Variants in CRISP2 observed in about 807,000 individuals in gnomAD.
The protein encoded by CRISP2 is cysteine rich secretory protein 2, also known as cysteine-rich secretory protein 2.
A neutral mutation model predicts 31.7 loss-of-function variants in CRISP2; 29 were observed. That is an observed-to-expected ratio of 0.92 (90% confidence interval 0.68 to 1.25). The LOEUF (loss-of-function observed/expected upper bound fraction) is 1.25. Among genes scored for constraint, CRISP2 ranks in the 50% most tolerant of loss-of-function variants. The pLI, the probability that CRISP2 is intolerant of heterozygous loss-of-function variation, is 0.00. For missense variants in CRISP2, 318 were observed against 286.5 expected, an observed-to-expected ratio of 1.11 and a Z score of -0.79; for synonymous variants, 111 against 101.4, an observed-to-expected ratio of 1.09 and a Z score of -0.57.
chr6:49,687,059 G>T, the CRISP2 span, among the ~76,000 whole-genome samples: 1 of 152,028 alleles, frequency 6.6e-6, no homozygotes, highest in Non-Finnish European at 1.5e-5. Flanking sequence ...TTGTGGGATG[G>T]GGGGAGAGGG....
Position 49,699,846 on chromosome 6 carries a change from T to C in CRISP2, c.229A>G (p.Lys77Glu). The change falls in exon 6 of 10, where the codon AAG (lysine) becomes GAG (glutamate). Residue 77 changes from lysine (K) to glutamate (E), a missense_variant. By Grantham distance (56) the Lys-to-Glu change is moderately conservative. Transcript: ENST00000339139. ...GGATCACTATGTTGTAAAGTGCACT[T>C]GTTTGCCCACCTTTGGGCATTCGTT... ...VTTNAQRWANKCTLQHSDPED... is the reference protein window; with the variant it reads ...VTTNAQRWANECTLQHSDPED... 6.2e-7 allele frequency: 1 copy of C among 1,612,762 alleles called. No homozygotes were observed. Among genetic ancestry groups the C allele is most frequent in the Non-Finnish European group, 8.5e-7 (1 of 1,179,196 alleles).
chr6:49,678,318 G>T, the CRISP2 span, among the ~76,000 whole-genome samples: 1 of 152,062 alleles, frequency 6.6e-6, no homozygotes, highest in Non-Finnish European at 1.5e-5. Flanking sequence ...GTTCACATGA[G>T]CAGTGTTGTG....
intron 8 of CRISP2, among the ~76,000 whole-genome samples, chr6:49,696,427 T>G (rs939935987): frequency 6.6e-6 from 1 of 152,120 alleles, no homozygotes; most frequent in African/African-American, 2.4e-5. Flanking sequence ...CCAGAGTATT[T>G]TTTTCTTCCA....
At position 49,695,916 on chromosome 6, in the gene CRISP2, T is replaced by C; in HGVS notation, c.524A>G (p.Asn175Ser). 1 of 1,609,066 alleles carries C rather than the reference T, an allele frequency of 6.2e-7. No homozygotes were observed. The highest frequency in any genetic ancestry group is 8.5e-7 in the Non-Finnish European group (1 of 1,176,808). The change falls in exon 9 of 10, where the codon AAT becomes AGT. Residue 175 changes from asparagine to serine, a missense_variant. Coordinates refer to ENST00000339139, the MANE Select transcript of CRISP2 (RefSeq NM_003296.4). ...GTACGGGGTATTCTTTCTATTCATA[T>C]TATTACCACTGAAATTTGAAATACA... ...YVCQYCPAGN[N>S]MNRKNTPYQQ...
the CRISP2 span, among the ~76,000 whole-genome samples, chr6:49,681,508 T>C: frequency 1.5e-3 from 235 of 152,320 alleles, no homozygotes; most frequent in African/African-American, 5.3e-3. Flanking sequence ...TAATGAATTC[T>C]GCTGAAACTT....
chr6:49,704,481 T>A (rs73437882), intron 4 of CRISP2, among the ~76,000 whole-genome samples: 5,063 of 152,244 alleles, frequency 0.033, 302 homozygotes, highest in African/African-American at 0.12. Flanking sequence ...TCAGGTAGAC[T>A]ATGTCCAAGG....
upstream of CRISP2, among the ~76,000 whole-genome samples, chr6:49,713,849 G>C (rs550984187): frequency 1.3e-5 from 2 of 152,260 alleles, no homozygotes; most frequent in South Asian, 4.1e-4. Flanking sequence ...AAAAGGAGGC[G>C]TTCGCATTCA....
downstream of CRISP2, among the ~76,000 whole-genome samples, chr6:49,689,583 A>G (rs1763985832): frequency 6.6e-6 from 1 of 152,168 alleles, no homozygotes; most frequent in African/African-American, 2.4e-5. Flanking sequence ...TAAAATAGGT[A>G]TAAAAATTTC....
At chr6:49,681,071 G>T in the CRISP2 span, among the ~76,000 whole-genome samples, 1 of 152,130 alleles carries the variant, frequency 6.6e-6, no homozygotes, top group Non-Finnish European at 1.5e-5. Context: ...CTTTGCCCAT[G>T]CCTATGCCCT....
In CRISP2 at chr6:49,697,874, G is replaced by T. The variant is rs1285974969; in HGVS notation, c.501C>A (p.Cys167Ter). The T allele has an allele frequency of 6.2e-7, 1 of 1,611,924 alleles. No homozygotes were observed. The highest frequency in any genetic ancestry group is 8.5e-7 in the Non-Finnish European group (1 of 1,178,724). The change falls in exon 8 of 10, where the codon TGC becomes TGA. Residue 167 changes from cysteine (C) to a stop codon, truncating the protein, a stop_gained. Coordinates refer to ENST00000339139, the MANE Select transcript of CRISP2 (RefSeq NM_003296.4). LOFTEE classifies it high-confidence loss of function. ...NQDSLKYYYVCQYCPAGNNMN... is the reference protein window; with the variant it reads ...NQDSLKYYYV ...AGTCTACTTACGCAGGACAATATTG[G>T]CAAACATAGTAGTATTTTAGACTAT...
intron 3 of CRISP2, among the ~76,000 whole-genome samples, chr6:49,711,052 G>A (rs1432892624): frequency 1.3e-5 from 2 of 152,096 alleles, no homozygotes; most frequent in Non-Finnish European, 2.9e-5. Context: ...GGCTGAGGTG[G>A]GATGATCATT....
chr6:49,709,299 A>G (rs1582143289), intron 3 of CRISP2, 94 bp from the exon 4 acceptor site: 1 of 1,049,060 alleles, frequency 9.5e-7, no homozygotes, highest in Non-Finnish European at 1.4e-6. Context: ...GATTATCTCA[A>G]AGGAACTGTG....
intron 9 of CRISP2, 59 bp downstream of exon 9, chr6:49,695,777 A>G: frequency 7.9e-7 from 1 of 1,262,108 alleles, no homozygotes; most frequent in Non-Finnish European, 1.1e-6. Flanking sequence ...AAATTATATA[A>G]AGAAAAGATA....
the CRISP2 span, among the ~76,000 whole-genome samples, chr6:49,678,943 C>T: frequency 1.3e-5 from 2 of 152,138 alleles, no homozygotes; most frequent in East Asian, 1.9e-4. Context: ...GTGGGATGTC[C>T]TAATGAATGG....
intron 8 of CRISP2, 53 bp from the exon 9 acceptor site, chr6:49,695,977 A>T: frequency 8.5e-7 from 1 of 1,172,822 alleles, no homozygotes; most frequent in African/African-American, 1.5e-5. Context: ...TTATACTCTA[A>T]GGGCAGTATC....
At chr6:49,687,679 T>C (rs1300966991), downstream of CRISP2, among the ~76,000 whole-genome samples, 3 of 152,294 alleles carry the variant, frequency 2.0e-5, no homozygotes, top group Non-Finnish European at 2.9e-5. Context: ...TTTGGGTCAG[T>C]GTGAAGAGAT....
At chr6:49,694,307 T>C (rs538266553) in intron 9 of CRISP2, among the ~76,000 whole-genome samples, 53 of 152,332 alleles carry the variant, frequency 3.5e-4, no homozygotes, top group African/African-American at 1.3e-3. Flanking sequence ...GCAGCTGTTA[T>C]GACTTTCCAG....
chr6:49,700,188 T>C (rs1329524520), intron 5 of CRISP2, among the ~76,000 whole-genome samples: 1 of 152,152 alleles, frequency 6.6e-6, no homozygotes, highest in East Asian at 1.9e-4. Flanking sequence ...TTGATAAGCA[T>C]GTGAAATATT....
downstream of CRISP2, among the ~76,000 whole-genome samples, chr6:49,687,890 C>T (rs552420907): frequency 6.6e-6 from 1 of 152,306 alleles, no homozygotes; most frequent in African/African-American, 2.4e-5. Flanking sequence ...TTACCCCTCC[C>T]CTGATGCAGC....
Sources: allele counts gnomAD v4.1 joint callset (sites outside exome capture counted in the v4.1 genomes callset), GRCh38; gene constraint gnomAD v4.1.1; transcripts MANE v1.5; gene names NCBI Gene and HGNC (gene_info 2026-07-23, HGNC 2026-07-21).